PUM2: variants seen among roughly 807,000 people sequenced by gnomAD.
PUM2 encodes the protein pumilio homolog 2.
PUM2 carries 57 observed loss-of-function variants against 124.5 expected under a neutral mutation model. That is an observed-to-expected ratio of 0.46 (90% CI 0.37 to 0.57). The LOEUF is 0.57. PUM2 is among the 20% of genes least tolerant of loss of function. The probability of loss-of-function intolerance (pLI) is 0.00; values close to 1 mark genes in which losing one functional copy is unlikely to be tolerated. For synonymous variants in PUM2, 460 were observed against 446.1 expected, an observed-to-expected ratio of 1.03 and a Z score of -0.39; for missense variants, 1,065 against 1,290.6, an observed-to-expected ratio of 0.83 and a Z score of 2.68.
At chr2:20,347,255 C>CTAA (rs1688421365) in intron 1 of PUM2, among the ~76,000 whole-genome samples, 1 of 152,154 alleles carries the variant, frequency 6.6e-6, no homozygotes, top group South Asian at 2.1e-4. Context: ...TTCTCTAAAG[C>CTAA]ACTTAAGACC....
chr2:20,257,088 ATT>A (rs999716018), intron 16 of PUM2, among the ~76,000 whole-genome samples: 44 of 146,866 alleles, frequency 3.0e-4, no homozygotes, highest in South Asian at 6.5e-4. Context: ...TCCAAATAAT[ATT>A]GTTATTCATT....
At chr2:20,344,915 G>A (rs1422983418) in intron 1 of PUM2, among the ~76,000 whole-genome samples, 5 of 146,816 alleles carry the variant, frequency 3.4e-5, no homozygotes, top group African/African-American at 5.0e-5. Flanking sequence ...CCCGGGAGGC[G>A]GAGCTTGCAG....
chr2:20,260,705 T>A (rs1229939121), intron 14 of PUM2, among the ~76,000 whole-genome samples: 1 of 152,238 alleles, frequency 6.6e-6, no homozygotes, highest in African/African-American at 2.4e-5. Context: ...TTTCTTAGGT[T>A]GGTTACATTA....
At chr2:20,306,449 G>T (rs999875900) in intron 7 of PUM2, among the ~76,000 whole-genome samples, 1 of 152,026 alleles carries the variant, frequency 6.6e-6, no homozygotes, top group Non-Finnish European at 1.5e-5. Context: ...AAAAACCGTT[G>T]TGCTGTCCAT....
At chr2:20,307,515 G>A (rs1359351854) in intron 7 of PUM2, among the ~76,000 whole-genome samples, 1 of 152,140 alleles carries the variant, frequency 6.6e-6, no homozygotes, top group Non-Finnish European at 1.5e-5. Flanking sequence ...AAGGGTATAG[G>A]GAAGTTATTC....
chr2:20,297,683 A>G lies in PUM2; in HGVS notation c.884-5T>C. 6.2e-7 allele frequency: 1 copy of G among 1,604,964 alleles called. No homozygotes were observed. The highest frequency in any genetic ancestry group is 8.5e-7 in the Non-Finnish European group (1 of 1,176,106). ...GGCCTGCTGAGAATACACCAGCTATATTTTAAAAGGGGAGAAATAATAAAC... is the reference window on the plus strand; with the variant it reads ...GGCCTGCTGAGAATACACCAGCTATGTTTTAAAAGGGGAGAAATAATAAAC... On this transcript the variant is annotated splice_polypyrimidine_tract_variant and splice_region_variant and intron_variant, in intron 7 of 20. Coordinates refer to ENST00000361078, the MANE Select transcript of PUM2 (RefSeq NM_015317.5).
Position 20,350,682 on chromosome 2 carries a change from T to C in PUM2, c.-104A>G. ...TCGCTCTTGGCGGTCCTCCCCCTCC[T>C]CCGCCTTCGGTGGCGGCAATGTCTT... On this transcript the variant is annotated 5_prime_UTR_variant, in exon 1 of 21. Transcript: ENST00000361078. 1 of 983,902 alleles carries C rather than the reference T, an allele frequency of 1.0e-6. No homozygotes were observed. The highest frequency in any genetic ancestry group is 1.2e-4 in the East Asian group (1 of 8,674). The allele number at this position is 983,902 out of a possible 1,614,324, so 60.9% of individuals were successfully genotyped here.
At chr2:20,260,880 G>GAC (rs562560877) in intron 14 of PUM2, among the ~76,000 whole-genome samples, 77 of 152,242 alleles carry the variant, frequency 5.1e-4, no homozygotes, top group South Asian at 1.9e-3. Context: ...CATTCTGGGT[G>GAC]ACACAAGGCT....
In PUM2 at chr2:20,348,166, TTAATAA is replaced by T. The variant is rs563552054; in HGVS notation, c.-19+2425_-19+2430del. Among the ~76,000 whole-genome samples, 214 of 150,104 alleles carry T rather than the reference TTAATAA, an allele frequency of 1.4e-3. 2 individuals carry two copies. In the East Asian group the frequency reaches 0.031, roughly 22 times the overall value. On this transcript the variant is annotated intron_variant, in intron 1 of 20. Coordinates refer to ENST00000361078, the MANE Select transcript of PUM2 (RefSeq NM_015317.5). Reference sequence around the variant, plus strand: ...AGCAAGACCTCACCTATATTAAAAATTAATAATAATAATAATAATAATAAAGAAAAA... The same window carrying T: ...AGCAAGACCTCACCTATATTAAAAATTAATAATAATAATAATAAAGAAAAA...
chr2:20,316,525 A>G (rs1680974017), intron 3 of PUM2, among the ~76,000 whole-genome samples: 1 of 152,148 alleles, frequency 6.6e-6, no homozygotes, highest in Admixed American at 6.5e-5. Flanking sequence ...AATATTTGTA[A>G]AATATATGAT....
chr2:20,283,535 G>A, intron 10 of PUM2, 49 bp from the exon 11 acceptor site: 1 of 1,533,412 alleles, frequency 6.5e-7, no homozygotes, highest in Non-Finnish European at 8.9e-7. Flanking sequence ...ACAAAAACAT[G>A]CATATTTGTT....
intron 1 of PUM2, among the ~76,000 whole-genome samples, chr2:20,330,846 T>C (rs984293578): frequency 2.0e-5 from 3 of 152,206 alleles, no homozygotes; most frequent in Non-Finnish European, 4.4e-5. Flanking sequence ...GCCCAAGCCC[T>C]CAATCTGTGT....
At chr2:20,315,911 G>GTAAATA in intron 3 of PUM2, among the ~76,000 whole-genome samples, 1 of 150,752 alleles carries the variant, frequency 6.6e-6, no homozygotes, top group East Asian at 1.9e-4. Flanking sequence ...TCTGATTCTG[G>GTAAATA]TAAATAAACT....
At chr2:20,310,520 G>A (rs1363950791) in intron 5 of PUM2, among the ~76,000 whole-genome samples, 1 of 152,012 alleles carries the variant, frequency 6.6e-6, no homozygotes. Context: ...TTAGGTAATA[G>A]TGAAGAACAA....
chr2:20,269,639 CAT>C lies in PUM2; in HGVS notation c.1958-6181_1958-6180del, dbSNP rs139375845. ...TAATAGGCTGTTATAAAAATACACA[CAT>C]GTCAAACGTACTACCTTAAAACTGT... is the stretch of plus-strand genomic sequence containing the variant. On this transcript the variant is annotated intron_variant, in intron 13 of 20. Coordinates refer to ENST00000361078, the MANE Select transcript of PUM2 (RefSeq NM_015317.5). Among the ~76,000 whole-genome samples, 822 of 152,252 alleles carry C rather than the reference CAT, an allele frequency of 5.4e-3. 12 individuals carry two copies. The highest frequency in any genetic ancestry group is 0.018 in the African/African-American group (762 of 41,528).
chr2:20,263,562 C>T, intron 13 of PUM2, 102 bp from the exon 14 acceptor site: 2 of 1,312,430 alleles, frequency 1.5e-6, no homozygotes, highest in Non-Finnish European at 2.1e-6. Flanking sequence ...AATATTTCCC[C>T]CCACTAATTC....
chr2:20,273,276 T>C (rs1321258385), intron 13 of PUM2, among the ~76,000 whole-genome samples: 1 of 152,232 alleles, frequency 6.6e-6, no homozygotes, highest in Non-Finnish European at 1.5e-5. Context: ...CCCACAATCA[T>C]TGTAACGAGC....
rs1666749958 is a variant in PUM2, at chr2:20,263,338, G to A, written c.2080C>T (p.Arg694Trp). The change falls in exon 14 of 21, where the codon CGG (arginine) becomes TGG (tryptophan). Residue 694 changes from arginine to tryptophan, a missense_variant. Coordinates refer to ENST00000361078, the MANE Select transcript of PUM2 (RefSeq NM_015317.5). ...SSSSQLFPPS[R>W]LRYNRSDIMP... is the part of the protein sequence containing the mutation. ...ATATCAGACCTATTATACCGAAGCC[G>A]GGAAGGAGGAAAGAGCTGGCTGCTG... 10 of 1,614,144 alleles carry A rather than the reference G, an allele frequency of 6.2e-6. No homozygotes were observed. The highest frequency in any genetic ancestry group is 1.6e-4 in the Middle Eastern group (1 of 6,062).
At chr2:20,254,058 T>C (rs1420478928) in intron 19 of PUM2, 44 bp from the exon 20 acceptor site, 1 of 1,533,890 alleles carries the variant, frequency 6.5e-7, no homozygotes, top group Non-Finnish European at 8.9e-7. Context: ...ATTTTTTTCT[T>C]CACAGCAAAA....
Sources: allele counts gnomAD v4.1 joint callset (sites outside exome capture counted in the v4.1 genomes callset), GRCh38; gene constraint gnomAD v4.1.1; transcripts MANE v1.5; gene names NCBI Gene and HGNC (gene_info 2026-07-23, HGNC 2026-07-21).